The following SORCS2 variants were observed in gnomAD, a reference collection of about 807,000 sequenced individuals.
SORCS2 encodes the protein sortilin related VPS10 domain containing receptor 2.
In SORCS2, 100 loss-of-function variants were observed where a neutral mutation model predicts 141.6. The ratio of observed to expected loss-of-function variants is 0.71; its 90% CI spans 0.60 to 0.83. The LOEUF (loss-of-function observed/expected upper bound fraction) is 0.83, where lower values mean the gene tolerates loss of function less well. Ranked by LOEUF, SORCS2 falls within the 40% of genes least tolerant of loss-of-function variation. The pLI, the probability that SORCS2 is intolerant of heterozygous loss-of-function variation, is 0.00. For synonymous variants in SORCS2, 789 were observed against 676.9 expected, an observed-to-expected ratio of 1.17 and a Z score of -2.57; for missense variants, 1,646 against 1,560.2, an observed-to-expected ratio of 1.05 and a Z score of -0.93.
chr4:7,303,639 T>C (rs1296520254), intron 1 of SORCS2, among the ~76,000 whole-genome samples: 1 of 152,246 alleles, frequency 6.6e-6, no homozygotes, highest in African/African-American at 2.4e-5. Context: ...CTGAGGTATA[T>C]GGTGCTGAGT....
At chr4:7,658,022 C>T (rs981169762) in intron 5 of SORCS2, among the ~76,000 whole-genome samples, 5 of 144,664 alleles carry the variant, frequency 3.5e-5, no homozygotes, top group Admixed American at 6.8e-5. Flanking sequence ...GCTGAGTGAG[C>T]GAGTCTGTGA....
intron 2 of SORCS2, among the ~76,000 whole-genome samples, chr4:7,492,426 T>C (rs1731371511): frequency 6.6e-6 from 1 of 152,264 alleles, no homozygotes; most frequent in Non-Finnish European, 1.5e-5. Context: ...TCGTAAAGGC[T>C]GACTAGGATT....
intron 2 of SORCS2, among the ~76,000 whole-genome samples, chr4:7,480,475 C>T (rs1266837516): frequency 1.3e-5 from 2 of 152,190 alleles, no homozygotes; most frequent in Admixed American, 6.5e-5. Flanking sequence ...AGGTGGGAGA[C>T]CATGCTCTGA....
At position 7,723,683 on chromosome 4, in the gene SORCS2, G is replaced by C. The variant is rs1163700204; in HGVS notation, c.2425-14G>C. The C allele has an allele frequency of 1.9e-6, 3 of 1,613,740 alleles. No homozygotes were observed. The highest frequency in any genetic ancestry group is 4.5e-5 in the East Asian group (2 of 44,876). On this transcript the variant is annotated splice_polypyrimidine_tract_variant and intron_variant, in intron 18 of 26. Transcript: ENST00000507866. Reference sequence around the variant, plus strand: ...AGGCCCACTCCTGAGTGGCCACATGGTGTTTCTCTGCAGGGTGATGTCCTG... The same window carrying C: ...AGGCCCACTCCTGAGTGGCCACATGCTGTTTCTCTGCAGGGTGATGTCCTG...
chr4:7,692,384 A>C (rs1180178115), intron 11 of SORCS2, among the ~76,000 whole-genome samples: 1 of 152,204 alleles, frequency 6.6e-6, no homozygotes, highest in East Asian at 1.9e-4. Context: ...TATGCCTCCC[A>C]GCTGTAGGAC....
intron 15 of SORCS2, among the ~76,000 whole-genome samples, chr4:7,713,669 C>T (rs1374545105): frequency 2.0e-5 from 3 of 152,098 alleles, no homozygotes; most frequent in Admixed American, 1.3e-4. Context: ...GGAGGGCGAT[C>T]GGATATCAAG....
chr4:7,557,782 G>A (rs1338799182), intron 3 of SORCS2, among the ~76,000 whole-genome samples: 4 of 152,176 alleles, frequency 2.6e-5, no homozygotes, highest in South Asian at 4.1e-4. Flanking sequence ...GGCCTGCCCC[G>A]ATGTGATGCC....
chr4:7,200,114 C>T (rs545265921), intron 1 of SORCS2, among the ~76,000 whole-genome samples: 40 of 152,192 alleles, frequency 2.6e-4, no homozygotes, highest in South Asian at 1.9e-3. Context: ...GATCCCCCCT[C>T]GCTGGAAGTG....
At chr4:7,640,068 T>G (rs1262541671) in intron 4 of SORCS2, among the ~76,000 whole-genome samples, 1 of 150,402 alleles carries the variant, frequency 6.6e-6, no homozygotes, top group Non-Finnish European at 1.5e-5. Flanking sequence ...TGTGTGTTTA[T>G]GAGTGTGAAA....
At chr4:7,304,404 AAGCATCTATTT>A (rs1264880808) in intron 1 of SORCS2, among the ~76,000 whole-genome samples, 1 of 152,102 alleles carries the variant, frequency 6.6e-6, no homozygotes, top group East Asian at 1.9e-4. Context: ...CATCATCCAC[AAGCATCTATTT>A]AGCATCTCTT....
chr4:7,203,839 C>T (rs1346019907), intron 1 of SORCS2, among the ~76,000 whole-genome samples: 5 of 152,140 alleles, frequency 3.3e-5, no homozygotes, highest in Admixed American at 6.5e-5. Flanking sequence ...CCTCCACCCC[C>T]GCCACTCACA....
intron 2 of SORCS2, among the ~76,000 whole-genome samples, chr4:7,403,978 T>C (rs958386237): frequency 6.4e-5 from 1 of 15,692 alleles, no homozygotes; most frequent in Non-Finnish European, 1.3e-4. Context: ...TATATATATA[T>C]ATATATATAT....
chr4:7,657,516 T>C (rs1721854057), intron 5 of SORCS2, among the ~76,000 whole-genome samples: 2 of 146,904 alleles, frequency 1.4e-5, no homozygotes, highest in South Asian at 4.2e-4. Context: ...AATGAGTAAA[T>C]AGCTGAGTGT....
intron 1 of SORCS2, among the ~76,000 whole-genome samples, chr4:7,211,791 C>T (rs1213052669): frequency 6.6e-6 from 1 of 151,932 alleles, no homozygotes; most frequent in Non-Finnish European, 1.5e-5. Flanking sequence ...GTTGGGGGCT[C>T]CCATGAGAGG....
At position 7,704,192 on chromosome 4, in the gene SORCS2, G is replaced by C. The variant is rs1271059915; in HGVS notation, c.1776G>C (p.Glu592Asp). ...CTCCTGGCAGGTTCAGTGTGGACGA[G>C]GGCCTCACCTGGAGCACGCACAACT... ...PLKILKFSVDEGLTWSTHNFT... is the reference protein window; with the variant it reads ...PLKILKFSVDDGLTWSTHNFT... Residue 592 changes from glutamate (E) to aspartate (D), a missense_variant, in exon 14 of 27, where the codon GAG (glutamate) becomes GAC (aspartate). Glu to Asp is a conservative substitution (Grantham distance 45). Coordinates refer to ENST00000507866, the MANE Select transcript of SORCS2 (RefSeq NM_020777.3). 1 of 1,612,322 alleles carries C rather than the reference G, an allele frequency of 6.2e-7. No individual in the cohort carries two copies. Among genetic ancestry groups the C allele is most frequent in the Admixed American group, 1.7e-5 (1 of 59,838 alleles).
chr4:7,304,635 A>C (rs1487612393), intron 1 of SORCS2, among the ~76,000 whole-genome samples: 1 of 152,124 alleles, frequency 6.6e-6, no homozygotes, highest in African/African-American at 2.4e-5. Context: ...TTCCTCTCAG[A>C]GCTGCACCTT....
chr4:7,373,074 G>A (rs1722364229), intron 1 of SORCS2, among the ~76,000 whole-genome samples: 2 of 149,948 alleles, frequency 1.3e-5, no homozygotes, highest in Non-Finnish European at 3.0e-5. Flanking sequence ...TCTTGGTGTG[G>A]ATGTATGCTT....
intron 1 of SORCS2, among the ~76,000 whole-genome samples, chr4:7,363,527 G>A: frequency 2.5e-5 from 1 of 39,740 alleles, no homozygotes. Flanking sequence ...CCATTGTGGT[G>A]TATCACCATT....
chr4:7,260,476 A>T (rs549406549), intron 1 of SORCS2, among the ~76,000 whole-genome samples: 1 of 152,336 alleles, frequency 6.6e-6, no homozygotes, highest in Admixed American at 6.5e-5. Context: ...CTCAACAAAC[A>T]TGTCATTTGC....
Sources: gnomAD v4.1 joint callset for allele counts (sites outside exome capture counted in the v4.1 genomes callset) on GRCh38, gnomAD v4.1.1 for gene constraint, MANE v1.5 for transcripts, NCBI Gene and HGNC (gene_info 2026-07-23, HGNC 2026-07-21) for gene names.